FANCB: variants seen among roughly 807,000 people sequenced by gnomAD.
FANCB encodes FA complementation group B.
FANCB carries 5 observed loss-of-function variants against 38.9 expected under a neutral mutation model. The ratio of observed to expected loss-of-function variants is 0.13; its 90% CI spans 0.07 to 0.27. The LOEUF (loss-of-function observed/expected upper bound fraction) is 0.27, where lower values mean the gene tolerates loss of function less well. Among genes scored for constraint, FANCB ranks in the 10% least tolerant of loss-of-function variants. The pLI is 1.00. For missense variants in FANCB, 573 were observed against 602.7 expected (o/e 0.95, Z 0.52); for synonymous variants, 236 against 215.4 (o/e 1.10, Z -0.84).
the FANCB span, among the ~76,000 whole-genome samples, chrX:14,782,820 G>A: frequency 9.0e-6 from 1 of 111,511 alleles, no homozygotes; most frequent in Admixed American, 9.5e-5. Context: ...TTGATTAGTC[G>A]GGGGGTCTTC....
chrX:14,712,841 C>T, the FANCB span, among the ~76,000 whole-genome samples: 2 of 111,422 alleles, frequency 1.8e-5, no homozygotes, highest in Non-Finnish European at 3.8e-5. Context: ...GTCTAGCCAC[C>T]GTGTCTAACA....
At chrX:14,819,026 A>G in the FANCB span, among the ~76,000 whole-genome samples, 26 of 112,638 alleles carry the variant, frequency 2.3e-4, no homozygotes, top group African/African-American at 8.4e-4. Flanking sequence ...ATTCAAATCC[A>G]CACCGACAAA....
chrX:14,729,557 A>G, the FANCB span, among the ~76,000 whole-genome samples: 1 of 111,990 alleles, frequency 8.9e-6, no homozygotes, highest in Non-Finnish European at 1.9e-5. Flanking sequence ...GAAATGATTC[A>G]CCAGCCAAAT....
At chrX:14,717,345 TA>T in the FANCB span, among the ~76,000 whole-genome samples, 280 of 91,195 alleles carry the variant, frequency 3.1e-3, no homozygotes, top group African/African-American at 3.9e-3. Flanking sequence ...CTTAAGAAAG[TA>T]AAAAAAAAAA....
chrX:14,713,829 T>C, the FANCB span, among the ~76,000 whole-genome samples: 1 of 111,268 alleles, frequency 9.0e-6, no homozygotes, highest in Non-Finnish European at 1.9e-5. Context: ...CAAGGACTTA[T>C]GAGGAGAACC....
chrX:14,797,481 A>G, the FANCB span, among the ~76,000 whole-genome samples: 1 of 111,143 alleles, frequency 9.0e-6, no homozygotes, highest in Non-Finnish European at 1.9e-5. Flanking sequence ...CAGGAGTTCG[A>G]GACCAGCCTG....
chrX:14,690,458 T>C, the FANCB span, among the ~76,000 whole-genome samples: 1 of 111,956 alleles, frequency 8.9e-6, no homozygotes, highest in African/African-American at 3.2e-5. Context: ...CTTGAAGTCA[T>C]TGGAGCTGGT....
At chrX:14,791,584 C>A in the FANCB span, among the ~76,000 whole-genome samples, 2 of 111,921 alleles carry the variant, frequency 1.8e-5, no homozygotes, top group Non-Finnish European at 3.8e-5. Flanking sequence ...AAGAACTGAG[C>A]AACACAGCTA....
the FANCB span, among the ~76,000 whole-genome samples, chrX:14,808,390 G>C: frequency 5.9e-3 from 658 of 111,584 alleles, 4 homozygotes; most frequent in Middle Eastern, 9.3e-3. Flanking sequence ...TTATCTCTGG[G>C]ATGCTAGGAT....
chrX:14,767,756 G>A, the FANCB span, among the ~76,000 whole-genome samples: 1 of 112,107 alleles, frequency 8.9e-6, no homozygotes, highest in Non-Finnish European at 1.9e-5. Flanking sequence ...TGAAATCTTT[G>A]CCTGTGCCTA....
the FANCB span, among the ~76,000 whole-genome samples, chrX:14,800,003 G>A: frequency 4.5e-5 from 5 of 111,871 alleles, no homozygotes; most frequent in Non-Finnish European, 9.4e-5. Flanking sequence ...GGAGAGAATT[G>A]TTATGTAAAA....
chrX:14,804,988 G>A, the FANCB span, among the ~76,000 whole-genome samples: 5 of 111,262 alleles, frequency 4.5e-5, no homozygotes, highest in African/African-American at 1.3e-4. Context: ...CTAAACTTAC[G>A]TTTCCCTAAT....
the FANCB span, among the ~76,000 whole-genome samples, chrX:14,737,900 G>C: frequency 9.0e-6 from 1 of 111,648 alleles, no homozygotes; most frequent in African/African-American, 3.3e-5. Flanking sequence ...AGGCTAACAT[G>C]CCTCCCAAAG....
the FANCB span, among the ~76,000 whole-genome samples, chrX:14,829,952 A>T: frequency 8.9e-6 from 1 of 112,412 alleles, no homozygotes; most frequent in African/African-American, 3.2e-5. Flanking sequence ...CTTGGCTTCC[A>T]ACTGCCTTCC....
At chrX:14,763,660 C>T in the FANCB span, among the ~76,000 whole-genome samples, 2 of 111,360 alleles carry the variant, frequency 1.8e-5, no homozygotes, top group African/African-American at 6.5e-5. Context: ...AGTCATATCA[C>T]GATTGTTTAC....
At chrX:14,841,229 C>T (rs2092354084), downstream of FANCB, among the ~76,000 whole-genome samples, 1 of 111,870 alleles carries the variant, frequency 8.9e-6, no homozygotes, top group Non-Finnish European at 1.9e-5. Context: ...TCTTTCACTC[C>T]CAAATTCTTA....
the FANCB span, among the ~76,000 whole-genome samples, chrX:14,728,704 T>A: frequency 8.9e-6 from 1 of 112,342 alleles, no homozygotes; most frequent in Non-Finnish European, 1.9e-5. Context: ...AAGGACTGCG[T>A]TGAACTCTTC....
Position 14,838,070 on chromosome X carries a change from T to C in FANCB, c.*1567-1815A>G, listed in dbSNP as rs747624781. Among the ~76,000 whole-genome samples the C allele has an allele frequency of 5.3e-5, 6 of 112,258 alleles. No individual in the cohort carries two copies. The South Asian group carries it at 1.5e-3, about 28-fold the overall frequency. The stretch of plus-strand genomic sequence containing the variant: ...AATGTATAACCTTATTCTATTTTAA[T>C]TGATTTAAACATAAATAGTCCTATA... On this transcript the variant is annotated intron_variant and NMD_transcript_variant, in intron 10 of 10. Transcript: ENST00000643728.
chrX:14,744,010 C>G, the FANCB span, among the ~76,000 whole-genome samples: 1 of 111,727 alleles, frequency 9.0e-6, no homozygotes, highest in Non-Finnish European at 1.9e-5. Flanking sequence ...ATCCTATTTC[C>G]AAGTAAGGTC....
Sources: allele counts gnomAD v4.1 joint callset (sites outside exome capture counted in the v4.1 genomes callset), GRCh38; gene constraint gnomAD v4.1.1; transcripts MANE v1.5; gene names NCBI Gene and HGNC (gene_info 2026-07-23, HGNC 2026-07-21).